The following SPATA9 variants were observed in gnomAD, a reference collection of about 807,000 sequenced individuals.
SPATA9 encodes the protein spermatogenesis associated 9, also known as spermatogenesis-associated protein 9.
A neutral mutation model predicts 25.5 loss-of-function variants in SPATA9; 27 were observed. The observed-to-expected ratio is 1.06, with a 90% CI of 0.78 to 1.46. The LOEUF is 1.46. SPATA9 is among the 40% of genes most tolerant of loss of function. The probability of loss-of-function intolerance (pLI) is 0.00; values close to 1 mark genes in which losing one functional copy is unlikely to be tolerated. For synonymous variants in SPATA9, 102 were observed against 105.7 expected (o/e 0.97, Z 0.21); for missense variants, 282 against 297.5 (o/e 0.95, Z 0.38).
downstream of SPATA9, chr5:95,652,340 A>G (rs1038598200): frequency 2.6e-6 from 4 of 1,550,060 alleles, no homozygotes; most frequent in African/African-American, 2.7e-5. Flanking sequence ...AAGTGAGTCC[A>G]TAGAATTCTA....
chr5:95,718,999 A>G, the SPATA9 span, among the ~76,000 whole-genome samples: 8,065 of 152,180 alleles, frequency 0.053, 515 homozygotes, highest in African/African-American at 0.15. Context: ...ATTATCTAGG[A>G]TTTGCCCATG....
the SPATA9 span, among the ~76,000 whole-genome samples, chr5:95,730,091 A>C: frequency 6.6e-6 from 1 of 152,176 alleles, no homozygotes; most frequent in Non-Finnish European, 1.5e-5. Flanking sequence ...GATTAAAAAA[A>C]AAAACAGTGA....
At chr5:95,730,444 A>G in the SPATA9 span, among the ~76,000 whole-genome samples, 1 of 152,216 alleles carries the variant, frequency 6.6e-6, no homozygotes, top group Non-Finnish European at 1.5e-5. Context: ...GTTCGTTTGT[A>G]TCGAGGTAGT....
At chr5:95,731,408 G>A in the SPATA9 span, 1 of 1,186,642 alleles carries the variant, frequency 8.4e-7, no homozygotes, top group Non-Finnish European at 1.0e-6. Context: ...TCCACTTGGG[G>A]CTGTGCGGCG....
the SPATA9 span, among the ~76,000 whole-genome samples, chr5:95,704,221 T>C: frequency 6.6e-6 from 1 of 152,260 alleles, no homozygotes; most frequent in Non-Finnish European, 1.5e-5. Flanking sequence ...GCAATATTTT[T>C]CATGTTTGTG....
chr5:95,690,505 A>G (rs1753854251), intron 1 of SPATA9, among the ~76,000 whole-genome samples: 1 of 152,170 alleles, frequency 6.6e-6, no homozygotes, highest in African/African-American at 2.4e-5. Context: ...GTCCTTTTAA[A>G]AGGAAACTCA....
intron 1 of SPATA9, 26 bp downstream of exon 1, chr5:95,682,768 G>A (rs762987623): frequency 9.8e-6 from 15 of 1,537,540 alleles, no homozygotes; most frequent in South Asian, 7.8e-5. Flanking sequence ...ACACCCATAC[G>A]CCCTTTACAA....
At chr5:95,725,528 C>T in the SPATA9 span, among the ~76,000 whole-genome samples, 4 of 152,244 alleles carry the variant, frequency 2.6e-5, no homozygotes, top group Non-Finnish European at 4.4e-5. Flanking sequence ...AGAATGTTCT[C>T]ATTTTTGACC....
chr5:95,711,024 TA>T, the SPATA9 span, among the ~76,000 whole-genome samples: 1 of 152,118 alleles, frequency 6.6e-6, no homozygotes, highest in Non-Finnish European at 1.5e-5. Context: ...GTAAATCCGA[TA>T]AGCCTCCCGG....
chr5:95,678,428 G>T (rs1034350016), intron 2 of SPATA9, among the ~76,000 whole-genome samples: 5 of 152,016 alleles, frequency 3.3e-5, no homozygotes, highest in South Asian at 4.2e-4. Context: ...TCAAAAAGAA[G>T]ATTTCCTTCA....
chr5:95,656,076 C>T (rs1371734278), downstream of SPATA9: 11 of 1,613,480 alleles, frequency 6.8e-6, no homozygotes, highest in Admixed American at 5.0e-5. Flanking sequence ...TATAGTTTGC[C>T]CCTGGCATAA....
At chr5:95,696,669 G>C (rs1219083528) in intron 1 of SPATA9, among the ~76,000 whole-genome samples, 1 of 152,170 alleles carries the variant, frequency 6.6e-6, no homozygotes, top group African/African-American at 2.4e-5. Context: ...TTGGGGTCAG[G>C]AGTTCGAGAC....
intron 3 of SPATA9, among the ~76,000 whole-genome samples, chr5:95,671,474 G>A (rs1752364301): frequency 6.6e-6 from 1 of 152,124 alleles, no homozygotes; most frequent in African/African-American, 2.4e-5. Context: ...GCAGTGGCAC[G>A]ATCTTGGCTC....
At chr5:95,732,039 T>A in the SPATA9 span, 2 of 1,614,110 alleles carry the variant, frequency 1.2e-6, no homozygotes, top group East Asian at 2.2e-5. Flanking sequence ...ATCAGGCCAG[T>A]GCGTTTGGGA....
chr5:95,731,291 C>T, the SPATA9 span: 40 of 1,031,098 alleles, frequency 3.9e-5, no homozygotes, highest in Middle Eastern at 4.5e-4. Context: ...CCGATCTCCC[C>T]GACCCCCCTT....
At chr5:95,716,773 C>T in the SPATA9 span, among the ~76,000 whole-genome samples, 464 of 152,248 alleles carry the variant, frequency 3.0e-3, 2 homozygotes, top group African/African-American at 0.011. Flanking sequence ...CTCCCATAAT[C>T]CCCACGTGTC....
At chr5:95,668,402 C>A (rs554216172) in intron 3 of SPATA9, among the ~76,000 whole-genome samples, 34 of 152,162 alleles carry the variant, frequency 2.2e-4, no homozygotes, top group African/African-American at 7.9e-4. Context: ...GGCAAGTAGC[C>A]ATTTTTCAAC....
At chr5:95,729,050 C>T in the SPATA9 span, among the ~76,000 whole-genome samples, 1 of 152,164 alleles carries the variant, frequency 6.6e-6, no homozygotes, top group Non-Finnish European at 1.5e-5. Context: ...CCACCCTTTC[C>T]AGAAAAACTC....
chr5:95,674,670 G>A, intron 3 of SPATA9: 1 of 427,440 alleles, frequency 2.3e-6, no homozygotes, highest in South Asian at 1.7e-5. Context: ...GGATCCGGAA[G>A]GTATCGTTTG....
Sources: allele counts gnomAD v4.1 joint callset (sites outside exome capture counted in the v4.1 genomes callset), GRCh38; gene constraint gnomAD v4.1.1; transcripts MANE v1.5; gene names NCBI Gene and HGNC (gene_info 2026-07-23, HGNC 2026-07-21).